Variants in IQCJ observed in about 807,000 individuals in gnomAD.
IQCJ encodes the protein IQ motif containing J, also known as IQ domain-containing protein J.
IQCJ carries 9 observed loss-of-function variants against 11.0 expected under a neutral mutation model. The ratio of observed to expected loss-of-function variants is 0.82; its 90% confidence interval spans 0.49 to 1.43. The LOEUF is 1.43. IQCJ is among the 40% of genes most tolerant of loss of function. The pLI, the probability that IQCJ is intolerant of heterozygous loss-of-function variation, is 0.00. For synonymous variants in IQCJ, 55 were observed against 51.3 expected (o/e 1.07, Z -0.31); for missense variants, 146 against 133.2 (o/e 1.10, Z -0.47).
At chr3:159,117,306 C>T (rs771015825) in intron 1 of IQCJ, among the ~76,000 whole-genome samples, 3 of 152,252 alleles carry the variant, frequency 2.0e-5, no homozygotes, top group East Asian at 1.9e-4. Flanking sequence ...AGGAGGAAGC[C>T]GGGCAACTAC....
intron 1 of IQCJ, among the ~76,000 whole-genome samples, chr3:159,156,630 T>C (rs1419491007): frequency 1.3e-5 from 2 of 152,192 alleles, no homozygotes; most frequent in Non-Finnish European, 2.9e-5. Flanking sequence ...AAAAGCTTCT[T>C]TCAACACTAA....
At chr3:159,162,201 T>C (rs2108221968) in intron 1 of IQCJ, among the ~76,000 whole-genome samples, 1 of 152,308 alleles carries the variant, frequency 6.6e-6, no homozygotes, top group East Asian at 1.9e-4. Context: ...TCCTCTTTTA[T>C]TTCCTTGAGC....
At chr3:159,080,007 T>G (rs1036145057) in intron 1 of IQCJ, among the ~76,000 whole-genome samples, 1 of 152,124 alleles carries the variant, frequency 6.6e-6, no homozygotes, top group Non-Finnish European at 1.5e-5. Context: ...TAATGACTAT[T>G]TAGGTAAACA....
chr3:159,076,556 G>A (rs190730114), intron 1 of IQCJ, among the ~76,000 whole-genome samples: 5 of 152,208 alleles, frequency 3.3e-5, no homozygotes, highest in Admixed American at 2.0e-4. Context: ...GAAGCATGGT[G>A]TAGTGGAATA....
chr3:159,094,284 A>G (rs78903478), intron 1 of IQCJ, among the ~76,000 whole-genome samples: 4,897 of 151,690 alleles, frequency 0.032, 380 homozygotes, highest in African/African-American at 0.11. Context: ...GATATTACAG[A>G]TATTGTAGAA....
At chr3:159,244,803 G>T (rs1727149921) in intron 1 of IQCJ, among the ~76,000 whole-genome samples, 1 of 152,128 alleles carries the variant, frequency 6.6e-6, no homozygotes, top group Admixed American at 6.5e-5. Flanking sequence ...TCATGTAGAG[G>T]CTAGTCCTGA....
chr3:159,130,755 T>C (rs1174439663), intron 1 of IQCJ, among the ~76,000 whole-genome samples: 1 of 152,202 alleles, frequency 6.6e-6, no homozygotes, highest in Non-Finnish European at 1.5e-5. Flanking sequence ...CTAAGAAATA[T>C]GTACTTCTTT....
chr3:159,092,425 C>A (rs1260278138), intron 1 of IQCJ, among the ~76,000 whole-genome samples: 1 of 151,828 alleles, frequency 6.6e-6, no homozygotes, highest in Non-Finnish European at 1.5e-5. Context: ...TTAGGCCTGG[C>A]GCTGTGGCTC....
intron 1 of IQCJ, among the ~76,000 whole-genome samples, chr3:159,091,383 C>A (rs1168179369): frequency 2.0e-5 from 3 of 151,732 alleles, no homozygotes; most frequent in African/African-American, 7.3e-5. Context: ...GCTGACTTCT[C>A]AACTTCTTGT....
intron 1 of IQCJ, among the ~76,000 whole-genome samples, chr3:159,106,938 G>A (rs1389917511): frequency 6.6e-6 from 1 of 152,118 alleles, no homozygotes; most frequent in Non-Finnish European, 1.5e-5. Flanking sequence ...TATAAATCAA[G>A]TCTGCTTTAT....
chr3:159,162,819 C>A (rs944851271), intron 1 of IQCJ, among the ~76,000 whole-genome samples: 63 of 152,302 alleles, frequency 4.1e-4, no homozygotes, highest in African/African-American at 1.5e-3. Flanking sequence ...ACTAGAAAAT[C>A]TAGAAGAAAT....
chr3:159,204,040 TA>T (rs1724508596), intron 1 of IQCJ, among the ~76,000 whole-genome samples: 1 of 152,092 alleles, frequency 6.6e-6, no homozygotes. Context: ...CCAGTAGGCA[TA>T]AGAAATACAA....
chr3:159,254,007 G>A (rs1277103906), intron 3 of IQCJ, among the ~76,000 whole-genome samples: 1 of 152,228 alleles, frequency 6.6e-6, no homozygotes, highest in Non-Finnish European at 1.5e-5. Context: ...CCAGTGGGGT[G>A]CCCAGCTACA....
chr3:159,264,159 C>T (rs1184059234), downstream of IQCJ, among the ~76,000 whole-genome samples: 1 of 152,206 alleles, frequency 6.6e-6, no homozygotes, highest in African/African-American at 2.4e-5. Context: ...TGTACCTTCT[C>T]ACAGCCCCAA....
intron 1 of IQCJ, among the ~76,000 whole-genome samples, chr3:159,075,131 C>T (rs114078848): frequency 3.5e-4 from 53 of 152,172 alleles, no homozygotes; most frequent in African/African-American, 9.2e-4. Context: ...AAAGACTTGA[C>T]GCTAAATAAG....
At chr3:159,255,144 C>T (rs1306546156) in intron 3 of IQCJ, among the ~76,000 whole-genome samples, 2 of 152,170 alleles carry the variant, frequency 1.3e-5, no homozygotes, top group Admixed American at 6.5e-5. Context: ...TTATCACAGG[C>T]TTTCTCTTAG....
At chr3:159,254,421 A>G (rs1321175557) in intron 3 of IQCJ, among the ~76,000 whole-genome samples, 12 of 152,198 alleles carry the variant, frequency 7.9e-5, no homozygotes, top group Non-Finnish European at 1.8e-4. Flanking sequence ...TCTCAGCTCA[A>G]TGAGGTGCAA....
intron 1 of IQCJ, among the ~76,000 whole-genome samples, chr3:159,176,510 A>G (rs1722803393): frequency 1.3e-5 from 2 of 152,174 alleles, no homozygotes; most frequent in Admixed American, 6.5e-5. Context: ...CTTGGAGGTG[A>G]AAGTAAAATT....
At chr3:159,122,400 G>A (rs1161861753) in intron 1 of IQCJ, among the ~76,000 whole-genome samples, 2 of 152,154 alleles carry the variant, frequency 1.3e-5, no homozygotes, top group African/African-American at 2.4e-5. Context: ...TCGTTGACAA[G>A]GGAAGACGTA....
Sources: gnomAD v4.1 joint callset for allele counts (sites outside exome capture counted in the v4.1 genomes callset) on GRCh38, gnomAD v4.1.1 for gene constraint, MANE v1.5 for transcripts, NCBI Gene and HGNC (gene_info 2026-07-23, HGNC 2026-07-21) for gene names.